ALDH6A1: variants seen among roughly 807,000 people sequenced by gnomAD.
ALDH6A1 encodes the protein aldehyde dehydrogenase 6 family member A1, also known as methylmalonate-semialdehyde/malonate-semialdehyde dehydrogenase [acylating], mitochondrial.
Under a neutral mutation model 62.6 loss-of-function variants are expected in ALDH6A1, and 43 were observed. The ratio of observed to expected loss-of-function variants is 0.69; its 90% CI spans 0.54 to 0.89. The LOEUF is 0.89. Ranked by LOEUF, ALDH6A1 falls within the 40% of genes least tolerant of loss-of-function variation. The pLI is 0.00. For missense variants in ALDH6A1, 551 were observed against 661.3 expected, an observed-to-expected ratio of 0.83 and a Z score of 1.83; for synonymous variants, 194 against 234.2, an observed-to-expected ratio of 0.83 and a Z score of 1.57.
intron 8 of ALDH6A1, 112 bp downstream of exon 8, chr14:74,067,268 G>A: frequency 8.0e-7 from 1 of 1,250,146 alleles, no homozygotes; most frequent in Non-Finnish European, 1.2e-6. Flanking sequence ...ATAAAGAGAG[G>A]AAATGGCAAG....
chr14:74,072,618 AAAACAAAC>A lies in ALDH6A1; in HGVS notation c.112-15_112-8del, dbSNP rs370924173. ...TGAAGAGCTTTACAGTTGGCTGAAA[AAAACAAAC>A]AAACAAACAAACAAACAAAAACATG... On this transcript the variant is annotated splice_polypyrimidine_tract_variant and splice_region_variant and intron_variant, in intron 2 of 11. Coordinates refer to ENST00000553458, the MANE Select transcript of ALDH6A1 (RefSeq NM_005589.4). 48 of 1,607,650 alleles carry A rather than the reference AAAACAAAC, an allele frequency of 3.0e-5. No homozygotes were observed. The highest frequency in any genetic ancestry group is 1.6e-4 in the Middle Eastern group (1 of 6,072).
intron 6 of ALDH6A1, among the ~76,000 whole-genome samples, chr14:74,069,693 C>A (rs1245375627): frequency 6.6e-6 from 1 of 151,932 alleles, no homozygotes; most frequent in African/African-American, 2.4e-5. Context: ...GCAGAGGTTG[C>A]AGCGAGCCGA....
At position 74,057,681 on chromosome 14, in the gene ALDH6A1, T is replaced by TTAATTTA; in HGVS notation, c.*2954_*2960dup. 1 of 1,293,224 alleles carries TTAATTTA rather than the reference T, an allele frequency of 7.7e-7. No homozygotes were observed. 80.1% of individuals were successfully genotyped at this position (1,293,224 alleles called of 1,614,324 possible). A position where few individuals can be genotyped will look rare whatever the true frequency, so the allele number is the denominator to read the frequency against. On this transcript the variant is annotated 3_prime_UTR_variant, in exon 12 of 12. Coordinates refer to ENST00000553458, the MANE Select transcript of ALDH6A1 (RefSeq NM_005589.4). The stretch of plus-strand genomic sequence containing the variant: ...GCCAAGTTTTTCTCTTTAAGAGTTT[T>TTAATTTA]TAATTTATAATTTGTTATTCATAAT...
At chr14:74,067,753 A>G (rs911480929) in intron 7 of ALDH6A1, among the ~76,000 whole-genome samples, 184 bp from the exon 8 acceptor site, 3 of 151,934 alleles carry the variant, frequency 2.0e-5, no homozygotes, top group Admixed American at 1.3e-4. Flanking sequence ...GTGAAACACC[A>G]TCTCTACAAA....
chr14:74,078,550 CAG>C (rs1430283826), intron 1 of ALDH6A1, among the ~76,000 whole-genome samples: 2 of 151,908 alleles, frequency 1.3e-5, no homozygotes, highest in East Asian at 3.9e-4. Flanking sequence ...TTTTTTGAGA[CAG>C]AGTCTCACTC....
intron 5 of ALDH6A1, 35 bp from the exon 6 acceptor site, chr14:74,071,532 A>ATCAG: frequency 6.2e-7 from 1 of 1,612,832 alleles, no homozygotes; most frequent in Non-Finnish European, 8.5e-7. Flanking sequence ...AGCTCTCCAC[A>ATCAG]CTGTGTACTA....
Position 74,059,496 on chromosome 14 carries a change from G to T in ALDH6A1, c.*1146C>A, listed in dbSNP as rs2060292546. On this transcript the variant is annotated 3_prime_UTR_variant, in exon 12 of 12. Transcript: ENST00000553458. ...GGATCACCTGAGGTCAGGAGTTCGA[G>T]ACCAGCCTGACCAACACGGAGAAAC... The T allele has an allele frequency of 2.6e-6, 1 of 391,836 alleles. No homozygotes were observed. Among genetic ancestry groups the T allele is most frequent in the African/African-American group, 2.1e-5 (1 of 46,924 alleles). 24.3% of individuals were successfully genotyped at this position (391,836 alleles called of 1,614,324 possible). A position where few individuals can be genotyped will look rare whatever the true frequency, so the allele number is the denominator to read the frequency against.
rs140308322 is a variant in ALDH6A1 at position 74,072,578 on chromosome 14, C to T, written c.145G>A (p.Val49Ile). 1.5e-4 allele frequency: 249 copies of T among 1,613,904 alleles called. No individual in the cohort carries two copies. The African/African-American group carries it at 2.5e-3, about 16-fold the overall frequency. Residue 49 changes from valine to isoleucine, a missense_variant, in exon 3 of 12, where the codon GTT (valine) becomes ATT (isoleucine). Coordinates refer to ENST00000553458, the MANE Select transcript of ALDH6A1 (RefSeq NM_005589.4). ...TVKLFIGGKF[V>I]ESKSDKWIDI... ...ATCCATTTGTCACTTTTGGATTCAA[C>T]GAATTTCCCACCAATGAAGAGCTTT...
intron 1 of ALDH6A1, among the ~76,000 whole-genome samples, chr14:74,079,036 TG>T (rs1283553963): frequency 6.6e-6 from 1 of 151,780 alleles, no homozygotes; most frequent in Non-Finnish European, 1.5e-5. Context: ...ATATGCTCCT[TG>T]GGTGATTTTA....
chr14:74,068,775 T>C, intron 7 of ALDH6A1, 85 bp downstream of exon 7: 1 of 1,475,138 alleles, frequency 6.8e-7, no homozygotes, highest in Non-Finnish European at 9.4e-7. Flanking sequence ...TGGAGTGGGA[T>C]GAGTGGCCTC....
Position 74,067,421 on chromosome 14 carries a change from G to A in ALDH6A1, c.1001C>T (p.Pro334Leu), listed in dbSNP as rs748133328. 3 of 1,613,870 alleles carry A rather than the reference G, an allele frequency of 1.9e-6. No individual in the cohort carries two copies. The highest frequency in any genetic ancestry group is 4.5e-5 in the East Asian group (2 of 44,892). Residue 334 changes from proline to leucine, a missense_variant, in exon 8 of 12, where the codon CCA becomes CTA. Pro to Leu is a moderately conservative substitution (Grantham distance 98). Transcript: ENST00000553458. ...VLVGEAKKWL[P>L]ELVEHAKNLR... ...GTTTTTGGCATGCTCCACCAGCTCT[G>A]GCAGCCACTTCTTGGCTTCTCCCAC...
intron 1 of ALDH6A1, among the ~76,000 whole-genome samples, chr14:74,077,603 A>G (rs1216738092): frequency 1.3e-5 from 2 of 152,158 alleles, no homozygotes; most frequent in African/African-American, 2.4e-5. Flanking sequence ...ATCCATTCCC[A>G]TGGGAACTAA....
At chr14:74,083,817 C>T (rs1325054819) in intron 1 of ALDH6A1, among the ~76,000 whole-genome samples, 3 of 152,220 alleles carry the variant, frequency 2.0e-5, no homozygotes, top group Non-Finnish European at 4.4e-5. Context: ...TAGAGTCCAC[C>T]TCTAGAAGGA....
chr14:74,078,162 C>G (rs1256300625), intron 1 of ALDH6A1: 2 of 454,908 alleles, frequency 4.4e-6, no homozygotes. Flanking sequence ...TCCTCTTGTA[C>G]TTTCAGGAGC....
chr14:74,069,152 T>C, intron 6 of ALDH6A1, 171 bp from the exon 7 acceptor site: 1 of 617,202 alleles, frequency 1.6e-6, no homozygotes, highest in Non-Finnish European at 2.5e-6. Context: ...TTGCCCAGGC[T>C]GGAGTGCAGT....
chr14:74,057,920 C>T lies in ALDH6A1; in HGVS notation c.*2722G>A, dbSNP rs2139702555. The T allele has an allele frequency of 1.0e-6, 1 of 992,348 alleles. No individual in the cohort carries two copies. The highest frequency in any genetic ancestry group is 1.1e-4 in the East Asian group (1 of 9,058). The allele number at this position is 992,348 out of a possible 1,614,324, so 61.5% of individuals were successfully genotyped here. On this transcript the variant is annotated 3_prime_UTR_variant, in exon 12 of 12. Coordinates refer to ENST00000553458, the MANE Select transcript of ALDH6A1 (RefSeq NM_005589.4). ...GTGTGTTTTTTTAGAAGTGATTTCC[C>T]TTAAATATAAGGAAAATGTTAGGAA... is the stretch of plus-strand genomic sequence containing the variant.
At chr14:74,077,850 T>C (rs972491055) in intron 1 of ALDH6A1, among the ~76,000 whole-genome samples, 1 of 152,248 alleles carries the variant, frequency 6.6e-6, no homozygotes, top group Non-Finnish European at 1.5e-5. Context: ...ATCTGTCTTG[T>C]TCACCTACTT....
intron 9 of ALDH6A1, 146 bp from the exon 10 acceptor site, chr14:74,065,506 A>T (rs930249597): frequency 1.7e-5 from 12 of 726,524 alleles, no homozygotes; most frequent in East Asian, 2.9e-5. Flanking sequence ...TCACCTATTT[A>T]AAAAAAAAGT....
chr14:74,076,415 G>A (rs1278352140), intron 1 of ALDH6A1, among the ~76,000 whole-genome samples: 1 of 152,102 alleles, frequency 6.6e-6, no homozygotes, highest in Non-Finnish European at 1.5e-5. Context: ...AGGCTGGAGT[G>A]CAGTGGCATG....
Sources: allele counts gnomAD v4.1 joint callset (sites outside exome capture counted in the v4.1 genomes callset), GRCh38; gene constraint gnomAD v4.1.1; transcripts MANE v1.5; gene names NCBI Gene and HGNC (gene_info 2026-07-23, HGNC 2026-07-21).